The following PTPRD variants were observed in gnomAD, a reference collection of about 807,000 sequenced individuals.
The protein encoded by PTPRD is protein tyrosine phosphatase receptor type D.
Under a neutral mutation model 214.5 loss-of-function variants are expected in PTPRD, and 34 were observed. The observed-to-expected ratio is 0.16, with a 90% CI of 0.12 to 0.21. PTPRD has a LOEUF of 0.21. Among genes scored for constraint, PTPRD ranks in the 10% least tolerant of loss-of-function variants. The pLI is 1.00. For synonymous variants in PTPRD, 1,128 were observed against 845.7 expected (o/e 1.33, Z -5.79); for missense variants, 2,545 against 2,398.7 (o/e 1.06, Z -1.27).
At chr9:8,654,409 G>A (rs1237372417) in intron 12 of PTPRD, among the ~76,000 whole-genome samples, 2 of 152,140 alleles carry the variant, frequency 1.3e-5, no homozygotes, top group Non-Finnish European at 2.9e-5. Context: ...CGCTCACCAA[G>A]GATCATGCTT....
intron 11 of PTPRD, among the ~76,000 whole-genome samples, chr9:9,007,840 C>G (rs1589694889): frequency 1.7e-5 from 2 of 115,874 alleles, no homozygotes; most frequent in Non-Finnish European, 3.7e-5. Flanking sequence ...TTTTATTTGT[C>G]TGTTATACTT....
chr9:9,998,426 C>T (rs2096223057), intron 4 of PTPRD, among the ~76,000 whole-genome samples: 1 of 151,876 alleles, frequency 6.6e-6, no homozygotes, highest in Admixed American at 6.6e-5. Flanking sequence ...CTCTTTTCTC[C>T]TCTCTAATCC....
intron 3 of PTPRD, among the ~76,000 whole-genome samples, chr9:10,259,491 G>T (rs970608967): frequency 6.6e-6 from 1 of 152,110 alleles, no homozygotes; most frequent in Non-Finnish European, 1.5e-5. Context: ...CTAGACTTAA[G>T]AAATCCTCCA....
chr9:8,880,521 A>G (rs1393991142), intron 11 of PTPRD, among the ~76,000 whole-genome samples: 3 of 152,166 alleles, frequency 2.0e-5, no homozygotes, highest in Non-Finnish European at 2.9e-5. Context: ...AGAGCTAACT[A>G]TTACTGTTTA....
At chr9:10,397,312 A>T (rs1230432515) in intron 2 of PTPRD, among the ~76,000 whole-genome samples, 1 of 152,020 alleles carries the variant, frequency 6.6e-6, no homozygotes, top group Non-Finnish European at 1.5e-5. Context: ...TCCGTCAGAC[A>T]TTTGTTGTGT....
intron 11 of PTPRD, among the ~76,000 whole-genome samples, chr9:8,894,783 G>A (rs116238511): frequency 1.3e-5 from 2 of 152,010 alleles, no homozygotes; most frequent in Non-Finnish European, 2.9e-5. Context: ...TGGGCTTATA[G>A]TTGTTTTTAT....
chr9:9,052,835 T>C (rs759115937), intron 10 of PTPRD, among the ~76,000 whole-genome samples: 22 of 152,144 alleles, frequency 1.4e-4, no homozygotes, highest in Non-Finnish European at 2.8e-4. Context: ...CAATACAAAA[T>C]AAAATCTTCT....
At chr9:8,322,799 T>C (rs1172096655) in intron 44 of PTPRD, among the ~76,000 whole-genome samples, 2 of 152,168 alleles carry the variant, frequency 1.3e-5, no homozygotes, top group Non-Finnish European at 2.9e-5. Flanking sequence ...TCTAAGACTT[T>C]GATAGCTACA....
At chr9:9,255,855 C>T (rs1256834615) in intron 9 of PTPRD, among the ~76,000 whole-genome samples, 5 of 151,974 alleles carry the variant, frequency 3.3e-5, no homozygotes, top group Non-Finnish European at 7.4e-5. Flanking sequence ...AGAACAATTC[C>T]TGGCCCCTTG....
intron 2 of PTPRD, among the ~76,000 whole-genome samples, chr9:10,549,931 T>C (rs577791966): frequency 2.0e-5 from 3 of 152,134 alleles, no homozygotes; most frequent in Non-Finnish European, 4.4e-5. Context: ...CCAACTTTAT[T>C]GTGTTACCCA....
At position 9,019,110 on chromosome 9, in the gene PTPRD, C is replaced by T. The variant is rs543206092; in HGVS notation, c.-142-375G>A. ...TAGAAAAACCTATGAAGAATTCTTACAAAAGGGAGTATTTCTTGTGTTGAA... is the reference window on the plus strand; with the variant it reads ...TAGAAAAACCTATGAAGAATTCTTATAAAAGGGAGTATTTCTTGTGTTGAA... On this transcript the variant is annotated intron_variant, in intron 10 of 45. Coordinates refer to ENST00000381196, the MANE Select transcript of PTPRD (RefSeq NM_002839.4). Among the ~76,000 whole-genome samples, 3 of 152,036 alleles carry T rather than the reference C, an allele frequency of 2.0e-5. No individual in the cohort carries two copies. The East Asian group carries it at 5.8e-4, about 29-fold the overall frequency.
intron 8 of PTPRD, among the ~76,000 whole-genome samples, chr9:9,466,600 A>T (rs1246966404): frequency 6.6e-6 from 1 of 152,210 alleles, no homozygotes; most frequent in African/African-American, 2.4e-5. Flanking sequence ...ATGAATGACC[A>T]AGCCTTCCCC....
intron 5 of PTPRD, among the ~76,000 whole-genome samples, chr9:9,801,306 C>A (rs2099038361): frequency 6.6e-6 from 1 of 151,000 alleles, no homozygotes; most frequent in African/African-American, 2.4e-5. Context: ...TTTCTCTATG[C>A]TGTATCAGGT....
intron 10 of PTPRD, among the ~76,000 whole-genome samples, chr9:9,089,023 T>G (rs2099771708): frequency 6.6e-6 from 1 of 152,154 alleles, no homozygotes; most frequent in African/African-American, 2.4e-5. Context: ...TCACTCAACA[T>G]TACTCCTATT....
chr9:8,493,935 A>G (rs1456497542), intron 26 of PTPRD, among the ~76,000 whole-genome samples: 1 of 152,000 alleles, frequency 6.6e-6, no homozygotes, highest in African/African-American at 2.4e-5. Context: ...AAGAACAAAT[A>G]CCAGAGCTGC....
intron 4 of PTPRD, among the ~76,000 whole-genome samples, chr9:10,007,877 T>C (rs563602057): frequency 2.6e-5 from 4 of 152,120 alleles, no homozygotes; most frequent in African/African-American, 9.6e-5. Flanking sequence ...TTTAGTAAAA[T>C]TTAGGTTATT....
At chr9:9,168,037 T>G (rs2099907612) in intron 10 of PTPRD, among the ~76,000 whole-genome samples, 1 of 152,168 alleles carries the variant, frequency 6.6e-6, no homozygotes, top group Non-Finnish European at 1.5e-5. Flanking sequence ...TTTGCTTTAT[T>G]CTGAAGGTTT....
chr9:9,291,187 T>C (rs936607747), intron 9 of PTPRD, among the ~76,000 whole-genome samples: 11 of 151,460 alleles, frequency 7.3e-5, no homozygotes, highest in African/African-American at 2.4e-4. Flanking sequence ...GATAATCACT[T>C]GCCATAACAG....
Position 8,376,038 on chromosome 9 carries a change from G to A in PTPRD, c.4559C>T (p.Pro1520Leu), listed in dbSNP as rs1389754768. The A allele has an allele frequency of 1.2e-6, 2 of 1,612,810 alleles. No homozygotes were observed. The highest frequency in any genetic ancestry group is 1.7e-6 in the Non-Finnish European group (2 of 1,179,298). Residue 1520 changes from proline to leucine, a missense_variant, in exon 39 of 46, where the codon CCT (proline) becomes CTT (leucine). Coordinates refer to ENST00000381196, the MANE Select transcript of PTPRD (RefSeq NM_002839.4). ...AGGGTGTTCTGGAACACCATGATCA[G>A]GCCAGGCGGTGAACTGGAATTGTCT... ...EVRQFQFTAW[P>L]DHGVPEHPTP...
Sources: allele counts gnomAD v4.1 joint callset (sites outside exome capture counted in the v4.1 genomes callset), GRCh38; gene constraint gnomAD v4.1.1; transcripts MANE v1.5; gene names NCBI Gene and HGNC (gene_info 2026-07-23, HGNC 2026-07-21).